Variants in KNL1 observed in about 807,000 individuals in gnomAD.
The protein encoded by KNL1 is kinetochore scaffold 1, also known as outer kinetochore KNL1 complex subunit KNL1.
In KNL1, 66 loss-of-function variants were observed where a neutral mutation model predicts 201.3. The ratio of observed to expected loss-of-function variants is 0.33; its 90% CI spans 0.27 to 0.40. The LOEUF (loss-of-function observed/expected upper bound fraction) is 0.40, where lower values mean the gene tolerates loss of function less well. Ranked by LOEUF, KNL1 falls within the 10% of genes least tolerant of loss-of-function variation. The pLI is 1.00. For missense variants in KNL1, 2,815 were observed against 2,690.5 expected (o/e 1.05, Z -1.02); for synonymous variants, 895 against 899.2 (o/e 1.00, Z 0.08).
Position 40,659,347 on chromosome 15 carries a change from T to A in KNL1, c.6722T>A (p.Leu2241His), listed in dbSNP as rs962824257. The A allele has an allele frequency of 6.2e-7, 1 of 1,612,542 alleles. No homozygotes were observed. The highest frequency in any genetic ancestry group is 8.5e-7 in the Non-Finnish European group (1 of 1,178,766). ...GATCTTGTCTTTTACAGATTGAGAC[T>A]TTTATTCTCTAGCTCCGCAGCATTT... Reference protein sequence around the residue: ...NIDINNNELRLLFSSSAAFAK... With the variant: ...NIDINNNELRHLFSSSAAFAK... The change falls in exon 25 of 26, where the codon CTT (leucine) becomes CAT (histidine). Residue 2241 changes from leucine to histidine, a missense_variant. This residue lies in a region of KNL1 where 334 missense variants were observed against 362.6 expected (regional missense o/e 0.92). Coordinates refer to ENST00000399668, the MANE Select transcript of KNL1 (RefSeq NM_144508.5).
chr15:40,632,589 C>T lies in KNL1; in HGVS notation c.5682+3218C>T, dbSNP rs191985729. On this transcript the variant is annotated intron_variant, in intron 13 of 25. Transcript: ENST00000399668. Reference sequence around the variant, plus strand: ...TGCACTCCAGCCTTGGAGATAGAGCCGGACCCTGTCTCAAAAAAAAACGAA... The same window carrying T: ...TGCACTCCAGCCTTGGAGATAGAGCTGGACCCTGTCTCAAAAAAAAACGAA... Among the ~76,000 whole-genome samples, 583 of 151,866 alleles carry T rather than the reference C, an allele frequency of 3.8e-3. 10 individuals carry two copies. Among genetic ancestry groups the T allele is most frequent in the African/African-American group, 0.013 (548 of 41,396 alleles).
At chr15:40,599,683 C>T (rs906895372) in intron 1 of KNL1, among the ~76,000 whole-genome samples, 15 of 152,076 alleles carry the variant, frequency 9.9e-5, no homozygotes, top group Admixed American at 1.3e-4. Context: ...GCCCCCAGCC[C>T]TTAACTTTTT....
intron 13 of KNL1, among the ~76,000 whole-genome samples, chr15:40,637,693 T>A (rs868392377): frequency 1.3e-5 from 2 of 152,198 alleles, no homozygotes; most frequent in Non-Finnish European, 2.9e-5. Flanking sequence ...AGTGATACCT[T>A]TGCTTTATGA....
chr15:40,614,744 A>G (rs1435797844), intron 7 of KNL1, among the ~76,000 whole-genome samples: 1 of 152,192 alleles, frequency 6.6e-6, no homozygotes, highest in Admixed American at 6.5e-5. Flanking sequence ...AATCTCTTGT[A>G]TGGCTGCACC....
Position 40,608,906 on chromosome 15 carries a change from A to G in KNL1, c.195A>G (p.Ile65Met), listed in dbSNP as rs1476550100. 6.2e-7 allele frequency: 1 copy of G among 1,606,302 alleles called. No individual in the cohort carries two copies. The highest frequency in any genetic ancestry group is 1.1e-5 in the South Asian group (1 of 90,806). The change falls in exon 5 of 26, where the codon ATA becomes ATG. Residue 65 changes from isoleucine to methionine, a missense_variant and splice_region_variant. Ile to Met is a conservative substitution (Grantham distance 10, BLOSUM62 1). This residue lies in a region of KNL1 where 2,464 missense variants were observed against 2,291.7 expected (regional missense o/e 1.08). Transcript: ENST00000399668. The stretch of plus-strand genomic sequence containing the variant: ...GTCGAGTCAGCTTTGCAGATACTAT[A>G]AAGTAAGTTGAAAGCAGAAATAACT... ...NSRRVSFADT[I>M]KVFQTESHMK...
intron 20 of KNL1, 72 bp downstream of exon 20, chr15:40,651,644 A>T (rs1043297920): frequency 9.6e-7 from 1 of 1,039,692 alleles, no homozygotes; most frequent in Non-Finnish European, 1.4e-6. Context: ...GATTGGAGCA[A>T]TTGATGTATT....
Position 40,628,099 on chromosome 15 carries a change from A to C in KNL1, c.5406A>C (p.Ile1802=). ...EIFDHHTEED[I]DKSANSVLIK... Reference sequence around the variant, plus strand: ...TTGATCACCATACTGAAGAGGATATAGATAAAAGTGCTAACAGTGTATTGA... The same window carrying C: ...TTGATCACCATACTGAAGAGGATATCGATAAAAGTGCTAACAGTGTATTGA... Residue 1802 remains isoleucine (I), a synonymous_variant, in exon 11 of 26, where the codon ATA becomes ATC. Transcript: ENST00000399668. The C allele has an allele frequency of 6.2e-7, 1 of 1,608,066 alleles. No individual in the cohort carries two copies. The highest frequency in any genetic ancestry group is 2.2e-5 in the East Asian group (1 of 44,806).
At chr15:40,639,634 G>A (rs1893162059) in intron 13 of KNL1, among the ~76,000 whole-genome samples, 1 of 151,760 alleles carries the variant, frequency 6.6e-6, no homozygotes, top group Non-Finnish European at 1.5e-5. Context: ...GCCAAGCATG[G>A]TGGCTCACAT....
chr15:40,647,687 A>T (rs1893435652), intron 17 of KNL1, among the ~76,000 whole-genome samples: 2 of 151,468 alleles, frequency 1.3e-5, no homozygotes, highest in South Asian at 2.1e-4. Flanking sequence ...CTCTCCTGAA[A>T]CTCCTTTCTC....
Position 40,662,216 on chromosome 15 carries a change from AGCAG to A in KNL1, c.*29_*32del. The A allele has an allele frequency of 8.1e-7, 1 of 1,233,076 alleles. No homozygotes were observed. The allele number at this position is 1,233,076 out of a possible 1,614,324, so 76.4% of individuals were successfully genotyped here. ...CCTTGGACCACCATTGGAACAACCAAGCAGAATGTACTTGATATTATTTCAGGGT... is the reference window on the plus strand; with the variant it reads ...CCTTGGACCACCATTGGAACAACCAAAATGTACTTGATATTATTTCAGGGT... On this transcript the variant is annotated 3_prime_UTR_variant, in exon 26 of 26. Transcript: ENST00000399668.
At chr15:40,628,321 A>G (rs1473059866) in intron 11 of KNL1, 113 bp downstream of exon 11, 6 of 1,103,664 alleles carry the variant, frequency 5.4e-6, no homozygotes, top group East Asian at 4.9e-5. Flanking sequence ...TTGGGGTTAT[A>G]AAAAGTTGAT....
At position 40,615,721 on chromosome 15, in the gene KNL1, C is replaced by T. The variant is rs111580666; in HGVS notation, c.322+343C>T. The T allele has an allele frequency of 5.0e-3, 758 of 152,174 alleles. 9 individuals are homozygous for T. The highest frequency in any genetic ancestry group is 0.017 in the African/African-American group (712 of 40,820). The allele number at this position is 152,174 out of a possible 1,614,324, so 9.4% of individuals were successfully genotyped here. On this transcript the variant is annotated intron_variant, in intron 8 of 25. Transcript: ENST00000399668. ...CGGAGATTGCAGTGAGCTGAGATCG[C>T]GCCACTGCACTCCAGCAATGGCTCC... is the stretch of plus-strand genomic sequence containing the variant.
rs990199212 is a variant in KNL1 at position 40,606,515 on chromosome 15, G to A, written c.135+63G>A. ...TTCAGTTATATTTTTAAGTCAAGAA[G>A]TTTATTAGCTATTTGAAGAGGAAAT... is the stretch of plus-strand genomic sequence containing the variant. On this transcript the variant is annotated intron_variant, in intron 4 of 25. Coordinates refer to ENST00000399668, the MANE Select transcript of KNL1 (RefSeq NM_144508.5). 5 of 923,306 alleles carry A rather than the reference G, an allele frequency of 5.4e-6. No individual in the cohort carries two copies. In the Admixed American group the frequency reaches 5.4e-5, roughly 10 times the overall value. 57.2% of individuals were successfully genotyped at this position (923,306 alleles called of 1,614,324 possible).
Position 40,621,917 on chromosome 15 carries a change from G to T in KNL1, c.1653G>T (p.Leu551=). 6.2e-7 allele frequency: 1 copy of T among 1,613,560 alleles called. No homozygotes were observed. Among genetic ancestry groups the T allele is most frequent in the East Asian group, 2.2e-5 (1 of 44,874 alleles). Reference sequence around the variant, plus strand: ...CTAAGGAAAGAATACAGCAGAGCCTGTCAAATCCTTTGTCTATTTCATTGA... The same window carrying T: ...CTAAGGAAAGAATACAGCAGAGCCTTTCAAATCCTTTGTCTATTTCATTGA... ...HVSKERIQQS[L]SNPLSISLTD... is the part of the protein sequence containing the mutation. The change falls in exon 10 of 26, where the codon CTG becomes CTT. Residue 551 remains leucine (L), a synonymous_variant. Transcript: ENST00000399668.
Position 40,608,855 on chromosome 15 carries a change from T to C in KNL1, c.144T>C (p.Asn48=), listed in dbSNP as rs763938698. ...ATATTCTCTGCCCTTAGGAATCCAA[T>C]GCTTTGAGAAATAAGAAAAACTCTC... is the stretch of plus-strand genomic sequence containing the variant. ...RGGNERVQES[N]ALRNKKNSRR... is the part of the protein sequence containing the mutation. The change falls in exon 5 of 26, where the codon AAT becomes AAC. Residue 48 remains asparagine, a synonymous_variant. Coordinates refer to ENST00000399668, the MANE Select transcript of KNL1 (RefSeq NM_144508.5). The C allele has an allele frequency of 2.5e-6, 4 of 1,609,518 alleles. No individual in the cohort carries two copies. In the East Asian group the frequency reaches 6.7e-5, roughly 27 times the overall value.
intron 7 of KNL1, among the ~76,000 whole-genome samples, chr15:40,612,901 C>T (rs1892218106): frequency 6.6e-6 from 1 of 152,122 alleles, no homozygotes. Flanking sequence ...TTGTAGAAGG[C>T]AACTTGGTAA....
rs768529731 is a variant in KNL1, at chr15:40,622,929, G to A, written c.2665G>A (p.Glu889Lys). 1.2e-6 allele frequency: 2 copies of A among 1,613,310 alleles called. No individual in the cohort carries two copies. The highest frequency in any genetic ancestry group is 1.7e-6 in the Non-Finnish European group (2 of 1,179,630). The change falls in exon 10 of 26, where the codon GAG (glutamate) becomes AAG (lysine). Residue 889 changes from glutamate (E) to lysine (K), a missense_variant. Around this residue, in one of 3 missense-constraint regions of KNL1, gnomAD observed 2,464 missense variants for 2,291.7 expected, o/e 1.08. Coordinates refer to ENST00000399668, the MANE Select transcript of KNL1 (RefSeq NM_144508.5). ...TIEINHRPLLEKRDCHLVPLA... is the reference protein window; with the variant it reads ...TIEINHRPLLKKRDCHLVPLA... ...AGAAATAAACCATAGACCTTTATTAGAGAAACGTGATTGTCATTTGGTGCC... is the reference window on the plus strand; with the variant it reads ...AGAAATAAACCATAGACCTTTATTAAAGAAACGTGATTGTCATTTGGTGCC...
chr15:40,651,556 C>A lies in KNL1; in HGVS notation c.6298C>A (p.Leu2100Ile). 6.2e-7 allele frequency: 1 copy of A among 1,606,470 alleles called. No individual in the cohort carries two copies. The highest frequency in any genetic ancestry group is 1.1e-5 in the South Asian group (1 of 89,882). Residue 2100 changes from leucine to isoleucine, a missense_variant, in exon 20 of 26, where the codon CTA (leucine) becomes ATA (isoleucine). Around this residue, in one of 3 missense-constraint regions of KNL1, gnomAD observed 334 missense variants for 362.6 expected, o/e 0.92. Transcript: ENST00000399668. ...MQKQRNRTEE[L>I]LDQLSLSEWD... ...AAAACAAAGAAATAGAACTGAAGAG[C>A]TACTGGATCAGTTGAGGTAAGGAAA...
Position 40,625,276 on chromosome 15 carries a change from T to C in KNL1, c.5012T>C (p.Leu1671Pro), listed in dbSNP as rs533265615. The change falls in exon 10 of 26, where the codon CTG becomes CCG. Residue 1671 changes from leucine to proline, a missense_variant. By Grantham distance (98) the Leu-to-Pro change is moderately conservative. Coordinates refer to ENST00000399668, the MANE Select transcript of KNL1 (RefSeq NM_144508.5). ...RNCSVTGIDD[L>P]EQIPADTTDI... ...TGTAGTGTCACTGGTATTGATGACC[T>C]GGAACAGATTCCAGCAGACACAACT... The C allele has an allele frequency of 6.2e-7, 1 of 1,614,120 alleles. No homozygotes were observed. The highest frequency in any genetic ancestry group is 1.1e-5 in the South Asian group (1 of 91,078).
Sources: gnomAD v4.1 joint callset for allele counts (sites outside exome capture counted in the v4.1 genomes callset) on GRCh38, gnomAD v4.1.1 for gene constraint, gnomAD v4.1.1 regional missense constraint, MANE v1.5 for transcripts, NCBI Gene and HGNC (gene_info 2026-07-23, HGNC 2026-07-21) for gene names.